Variants in SLITRK1 observed in about 807,000 individuals in gnomAD.
SLITRK1 encodes SLIT and NTRK-like protein 1.
A neutral mutation model predicts 42.4 loss-of-function variants in SLITRK1; 10 were observed. The ratio of observed to expected loss-of-function variants is 0.24; its 90% CI spans 0.15 to 0.40. SLITRK1 has a LOEUF of 0.40. Among genes scored for constraint, SLITRK1 ranks in the 10% least tolerant of loss-of-function variants. SLITRK1 has a pLI of 1.00. For missense variants in SLITRK1, 778 were observed against 848.8 expected (o/e 0.92, Z 1.04); for synonymous variants, 389 against 365.7 (o/e 1.06, Z -0.73).
In SLITRK1 at chr13:83,880,430, T is replaced by G. The variant is rs1424516637; in HGVS notation, c.1078A>C (p.Asn360His). The change falls in exon 2 of 2, where the codon AAC becomes CAC. Residue 360 changes from asparagine to histidine, a missense_variant. Asn to His is a moderately conservative substitution (Grantham distance 68). Coordinates refer to ENST00000674365, the MANE Select transcript of SLITRK1 (RefSeq NM_001281503.2). ...GCCAAGCTGCTCACGTTCCTGTTGTTGCAGTTCATCTTTAAACCCGACCCT... is the reference window on the plus strand; with the variant it reads ...GCCAAGCTGCTCACGTTCCTGTTGTGGCAGTTCATCTTTAAACCCGACCCT... ...IPGSGLKMNC[N>H]NRNVSSLADL... 6.2e-7 allele frequency: 1 copy of G among 1,613,864 alleles called. No homozygotes were observed. The highest frequency in any genetic ancestry group is 2.2e-5 in the East Asian group (1 of 44,874).
At position 83,881,556 on chromosome 13, in the gene SLITRK1, C is replaced by T; in HGVS notation, c.-49G>A. Reference sequence around the variant, plus strand: ...CGATCTCATCACAAAGTAACAGCGACCATCCTGCTCGCCACAGACACAATT... The same window carrying T: ...CGATCTCATCACAAAGTAACAGCGATCATCCTGCTCGCCACAGACACAATT... On this transcript the variant is annotated 5_prime_UTR_variant, in exon 2 of 2. Coordinates refer to ENST00000674365, the MANE Select transcript of SLITRK1 (RefSeq NM_001281503.2). The T allele has an allele frequency of 6.2e-7, 1 of 1,609,494 alleles. No homozygotes were observed. Among genetic ancestry groups the T allele is most frequent in the African/African-American group, 1.3e-5 (1 of 74,758 alleles).
At position 83,880,402 on chromosome 13, in the gene SLITRK1, TCAG is replaced by T; in HGVS notation, c.1103_1105del (p.Ala368del). ...CACGTTAGAGAGCTTGGGCTTCAAA[TCAG>T]CCAAGCTGCTCACGTTCCTGTTGTT... On this transcript the variant is annotated inframe_deletion, in exon 2 of 2. Coordinates refer to ENST00000674365, the MANE Select transcript of SLITRK1 (RefSeq NM_001281503.2). The T allele has an allele frequency of 6.2e-7, 1 of 1,613,964 alleles. No individual in the cohort carries two copies. The highest frequency in any genetic ancestry group is 8.5e-7 in the Non-Finnish European group (1 of 1,180,016).
Position 83,881,208 on chromosome 13 carries a change from C to A in SLITRK1, c.300G>T (p.Gly100=). 1 of 1,614,068 alleles carries A rather than the reference C, an allele frequency of 6.2e-7. No homozygotes were observed. The highest frequency in any genetic ancestry group is 8.5e-7 in the Non-Finnish European group (1 of 1,180,016). ...ENNGLHEIVP[G]AFLGLQLVKR... The stretch of plus-strand genomic sequence containing the variant: ...TCACCAGCTGCAGCCCCAGAAAAGC[C>A]CCCGGAACGATTTCATGCAAGCCAT... The change falls in exon 2 of 2, where the codon GGG becomes GGT. Residue 100 remains glycine (G), a synonymous_variant. Coordinates refer to ENST00000674365, the MANE Select transcript of SLITRK1 (RefSeq NM_001281503.2).
In SLITRK1 at chr13:83,880,031, C is replaced by T. The variant is rs1001384905; in HGVS notation, c.1477G>A (p.Gly493Arg). The change falls in exon 2 of 2, where the codon GGG becomes AGG. Residue 493 changes from glycine to arginine, a missense_variant. Transcript: ENST00000674365. The part of the protein sequence containing the change: ...LRSLPVDVFA[G>R]VSLSKLSLHN... ...AGGCTGAGTTTAGAGAGCGAGACCC[C>T]AGCGAACACGTCCACAGGCAGGGAC... 34 of 1,613,850 alleles carry T rather than the reference C, an allele frequency of 2.1e-5. No homozygotes were observed. Among genetic ancestry groups the T allele is most frequent in the Non-Finnish European group, 2.7e-5 (32 of 1,180,020 alleles).
At position 83,879,117 on chromosome 13, in the gene SLITRK1, A is replaced by G; in HGVS notation, c.*300T>C. On this transcript the variant is annotated 3_prime_UTR_variant, in exon 2 of 2. Coordinates refer to ENST00000674365, the MANE Select transcript of SLITRK1 (RefSeq NM_001281503.2). ...CCCACAGGCCCCGGGGCCGAGGGCGAGGGCACTGTCAGTTCTTCCAGCAGG... is the reference window on the plus strand; with the variant it reads ...CCCACAGGCCCCGGGGCCGAGGGCGGGGGCACTGTCAGTTCTTCCAGCAGG... The G allele has an allele frequency of 2.3e-6, 1 of 433,472 alleles. No homozygotes were observed. The highest frequency in any genetic ancestry group is 4.3e-6 in the Non-Finnish European group (1 of 232,338). 26.9% of individuals were successfully genotyped at this position (433,472 alleles called of 1,614,324 possible).
rs756683890 is a variant in SLITRK1, at chr13:83,880,636, T to C, written c.872A>G (p.Lys291Arg). 5 of 1,614,030 alleles carry C rather than the reference T, an allele frequency of 3.1e-6. No homozygotes were observed. In the South Asian group the frequency reaches 3.3e-5, roughly 11 times the overall value. The change falls in exon 2 of 2, where the codon AAG becomes AGG. Residue 291 changes from lysine (K) to arginine (R), a missense_variant. Transcript: ENST00000674365. ...GGCATGATCCTCTTGCCCATTTGTC[T>C]TGAAAGGAGTTGGCAGGGGTCCAGG... ...FAPGPLPTPF[K>R]TNGQEDHATP...
Position 83,880,763 on chromosome 13 carries a change from C to G in SLITRK1, c.745G>C (p.Gly249Arg). 1.2e-6 allele frequency: 2 copies of G among 1,614,028 alleles called. No individual in the cohort carries two copies. Among genetic ancestry groups the G allele is most frequent in the Non-Finnish European group, 1.7e-6 (2 of 1,180,014 alleles). Residue 249 changes from glycine to arginine, a missense_variant, in exon 2 of 2, where the codon GGT (glycine) becomes CGT (arginine). Transcript: ENST00000674365. ...TCGGTGGTTTCATTGAGGTCTTTACCCTGCAGTCTGGTGGGGGCTTCGCAG... is the reference window on the plus strand; with the variant it reads ...TCGGTGGTTTCATTGAGGTCTTTACGCTGCAGTCTGGTGGGGGCTTCGCAG... Reference protein sequence around the residue: ...VVCEAPTRLQGKDLNETTEQD... With the variant: ...VVCEAPTRLQRKDLNETTEQD...
intron 1 of SLITRK1, 110 bp from the exon 2 acceptor site, chr13:83,881,670 C>T: frequency 1.3e-6 from 1 of 761,510 alleles, no homozygotes; most frequent in East Asian, 3.0e-5. Flanking sequence ...CCTCCCTAAC[C>T]CCCCCGCACT....
Position 83,880,522 on chromosome 13 carries a change from C to A in SLITRK1, c.986G>T (p.Ser329Ile), listed in dbSNP as rs1366603251. Residue 329 changes from serine to isoleucine, a missense_variant, in exon 2 of 2, where the codon AGC becomes ATC. Ser to Ile is a moderately radical substitution (Grantham distance 142). This residue lies in a region of SLITRK1 where 395 missense variants were observed against 360.4 expected (regional missense o/e 1.10). Coordinates refer to ENST00000674365, the MANE Select transcript of SLITRK1 (RefSeq NM_001281503.2). ...GTTAGCTAAGGGTTTGTTCCTGGAGCTACCCGTCGCTATCGCTGCTGTGGG... is the reference window on the plus strand; with the variant it reads ...GTTAGCTAAGGGTTTGTTCCTGGAGATACCCGTCGCTATCGCTGCTGTGGG... ...IRPTAAIATG[S>I]SRNKPLANSL... The A allele has an allele frequency of 6.2e-7, 1 of 1,614,128 alleles. No homozygotes were observed. Among genetic ancestry groups the A allele is most frequent in the Admixed American group, 1.7e-5 (1 of 60,020 alleles).
At position 83,881,362 on chromosome 13, in the gene SLITRK1, C is replaced by T. The variant is rs200735834; in HGVS notation, c.146G>A (p.Ser49Asn). The T allele has an allele frequency of 2.7e-5, 44 of 1,614,136 alleles. No individual in the cohort carries two copies. The African/African-American group carries it at 3.3e-4, about 12-fold the overall frequency. ...AGTCGGGGCAGTGAAACGCTGCAGA[C>T]TTGTGAAGCCCTTTTTTTCACAGTC... The part of the protein sequence containing the change: ...HVDCEKKGFT[S>N]LQRFTAPTSQ... The change falls in exon 2 of 2, where the codon AGT becomes AAT. Residue 49 changes from serine to asparagine, a missense_variant. Coordinates refer to ENST00000674365, the MANE Select transcript of SLITRK1 (RefSeq NM_001281503.2).
Position 83,879,187 on chromosome 13 carries a change from A to C in SLITRK1, c.*230T>G, listed in dbSNP as rs886050330. On this transcript the variant is annotated 3_prime_UTR_variant, in exon 2 of 2. Transcript: ENST00000674365. The stretch of plus-strand genomic sequence containing the variant: ...CAAAAGGGGCTCTCAGCAAAGAGCG[A>C]GCTGGCTGCGCTCTCCCAGCTCTCC... 29 of 569,870 alleles carry C rather than the reference A, an allele frequency of 5.1e-5. No homozygotes were observed. The highest frequency in any genetic ancestry group is 9.4e-6 in the Non-Finnish European group (3 of 319,794). 35.3% of individuals were successfully genotyped at this position (569,870 alleles called of 1,614,324 possible).
At position 83,878,400 on chromosome 13, in the gene SLITRK1, C is replaced by T. The variant is rs142645261; in HGVS notation, c.*1017G>A. The T allele has an allele frequency of 8.4e-3, 1,278 of 152,612 alleles. 7 individuals carry two copies. The highest frequency in any genetic ancestry group is 0.014 in the Non-Finnish European group (948 of 68,024). 9.5% of individuals were successfully genotyped at this position (152,612 alleles called of 1,614,324 possible). A position where few individuals can be genotyped will look rare whatever the true frequency, so the allele number is the denominator to read the frequency against. On this transcript the variant is annotated 3_prime_UTR_variant, in exon 2 of 2. Coordinates refer to ENST00000674365, the MANE Select transcript of SLITRK1 (RefSeq NM_001281503.2). The stretch of plus-strand genomic sequence containing the variant: ...CTACCATAGGATCGCAGCCTAAGCA[C>T]TAGAGTGACATTAATTGGTCATGCT...
In SLITRK1 at chr13:83,880,323, A is replaced by T. The variant is rs921540492; in HGVS notation, c.1185T>A (p.Phe395Leu). 1 of 1,614,014 alleles carries T rather than the reference A, an allele frequency of 6.2e-7. No homozygotes were observed. Among genetic ancestry groups the T allele is most frequent in the South Asian group, 1.1e-5 (1 of 91,066 alleles). Residue 395 changes from phenylalanine (F) to leucine (L), a missense_variant, in exon 2 of 2, where the codon TTT (phenylalanine) becomes TTA (leucine). Phe to Leu is a conservative substitution (Grantham distance 22, BLOSUM62 0). Transcript: ENST00000674365. ...NKIHSIRKSH[F>L]VDYKNLILLD... ...ACAGAATGAGGTTCTTGTAATCCAC[A>T]AAGTGCGATTTTCGGATGCTGTGGA... is the stretch of plus-strand genomic sequence containing the variant.
rs1884752436 is a variant in SLITRK1 at position 83,879,236 on chromosome 13, A to C, written c.*181T>G. 1 of 693,556 alleles carries C rather than the reference A, an allele frequency of 1.4e-6. No individual in the cohort carries two copies. The highest frequency in any genetic ancestry group is 1.8e-5 in the African/African-American group (1 of 55,986). 43.0% of individuals were successfully genotyped at this position (693,556 alleles called of 1,614,324 possible). Reference sequence around the variant, plus strand: ...CCACAGTCTGCTCTTTGTTTCAAGGAGGGAGCTAAGTAAGGGGTCAGGCCC... The same window carrying C: ...CCACAGTCTGCTCTTTGTTTCAAGGCGGGAGCTAAGTAAGGGGTCAGGCCC... On this transcript the variant is annotated 3_prime_UTR_variant, in exon 2 of 2. Transcript: ENST00000674365.
rs919234843 is a variant in SLITRK1, at chr13:83,878,030, G to A, written c.*1387C>T. 1 of 142,264 alleles carries A rather than the reference G, an allele frequency of 7.0e-6. No individual in the cohort carries two copies. Among genetic ancestry groups the A allele is most frequent in the Non-Finnish European group, 1.5e-5 (1 of 65,600 alleles). The allele number at this position is 142,264 out of a possible 1,614,324, so 8.8% of individuals were successfully genotyped here. ...TTATGGACTGGGGAAAGCCGGTAAA[G>A]TCTGAGCGAAGGTGGGGGTGGGGTA... On this transcript the variant is annotated 3_prime_UTR_variant, in exon 2 of 2. Coordinates refer to ENST00000674365, the MANE Select transcript of SLITRK1 (RefSeq NM_001281503.2).
At position 83,877,400 on chromosome 13, in the gene SLITRK1, T is replaced by C. The variant is rs997868969; in HGVS notation, c.*2017A>G. On this transcript the variant is annotated 3_prime_UTR_variant, in exon 2 of 2. Coordinates refer to ENST00000674365, the MANE Select transcript of SLITRK1 (RefSeq NM_001281503.2). ...AAAAAAAATCTATAGTCTGCAGTCT[T>C]TTGACATACTTCTCAAGGGTGGATA... 6.6e-6 allele frequency: 1 copy of C among 152,158 alleles called. No homozygotes were observed. The highest frequency in any genetic ancestry group is 6.5e-5 in the Admixed American group (1 of 15,270). The allele number at this position is 152,158 out of a possible 1,614,324, so 9.4% of individuals were successfully genotyped here. A position where few individuals can be genotyped will look rare whatever the true frequency, so the allele number is the denominator to read the frequency against.
chr13:83,879,609 G>A lies in SLITRK1; in HGVS notation c.1899C>T (p.Phe633=). 1 of 1,614,102 alleles carries A rather than the reference G, an allele frequency of 6.2e-7. No homozygotes were observed. Among genetic ancestry groups the A allele is most frequent in the East Asian group, 2.2e-5 (1 of 44,872 alleles). The change falls in exon 2 of 2, where the codon TTC becomes TTT. Residue 633 remains phenylalanine (F), a synonymous_variant. Coordinates refer to ENST00000674365, the MANE Select transcript of SLITRK1 (RefSeq NM_001281503.2). The stretch of plus-strand genomic sequence containing the variant: ...TAAACACGAGCATGCCCACCACGGT[G>A]AAGGCGGAGGTGACAAACACCAGCA... ...GLLLVFVTSA[F]TVVGMLVFIL...
Position 83,880,693 on chromosome 13 carries a change from G to T in SLITRK1, c.815C>A (p.Pro272Gln), listed in dbSNP as rs1484219521. 3 of 1,614,086 alleles carry T rather than the reference G, an allele frequency of 1.9e-6. No individual in the cohort carries two copies. The Admixed American group carries it at 5.0e-5, about 27-fold the overall frequency. The change falls in exon 2 of 2, where the codon CCG (proline) becomes CAG (glutamine). Residue 272 changes from proline (P) to glutamine (Q), a missense_variant. Physicochemically the swap from Pro to Gln is moderately conservative, Grantham distance 76. Coordinates refer to ENST00000674365, the MANE Select transcript of SLITRK1 (RefSeq NM_001281503.2). The part of the protein sequence containing the change: ...PLKNRVDSSL[P>Q]APPAQEETFA... ...GGTCTCTTCTTGGGCAGGGGGCGCCGGGAGACTAGAATCCACTCGGTTTTT... is the reference window on the plus strand; with the variant it reads ...GGTCTCTTCTTGGGCAGGGGGCGCCTGGAGACTAGAATCCACTCGGTTTTT...
In SLITRK1 at chr13:83,879,148, G is replaced by A; in HGVS notation, c.*269C>T. 1 of 495,626 alleles carries A rather than the reference G, an allele frequency of 2.0e-6. No homozygotes were observed. The highest frequency in any genetic ancestry group is 3.7e-6 in the Non-Finnish European group (1 of 271,184). The allele number at this position is 495,626 out of a possible 1,614,324, so 30.7% of individuals were successfully genotyped here. A position where few individuals can be genotyped will look rare whatever the true frequency, so the allele number is the denominator to read the frequency against. On this transcript the variant is annotated 3_prime_UTR_variant, in exon 2 of 2. Transcript: ENST00000674365. The stretch of plus-strand genomic sequence containing the variant: ...CTGTCAGTTCTTCCAGCAGGGTCGT[G>A]CTGGGCTTTCTGTCAAAAGGGGCTC...
Sources: gnomAD v4.1 joint callset for allele counts on GRCh38, gnomAD v4.1.1 for gene constraint, gnomAD v4.1.1 regional missense constraint, MANE v1.5 for transcripts, NCBI Gene and HGNC (gene_info 2026-07-23, HGNC 2026-07-21) for gene names.